Variants in SPMAP2 observed in about 807,000 individuals in gnomAD.
SPMAP2 encodes the protein sperm microtubule associated protein 2.
At chr19:374,255 C>T in the SPMAP2 span, 94 of 1,605,660 alleles carry the variant, frequency 5.9e-5, no homozygotes, top group Middle Eastern at 3.4e-4. Context: ...CAGAGAAAGC[C>T]GCCCACGCTG....
the SPMAP2 span, chr19:372,527 G>T: frequency 3.4e-6 from 4 of 1,190,362 alleles, no homozygotes; most frequent in African/African-American, 1.5e-5. Context: ...GCTGTCTAGG[G>T]CTAGGACCTG....
chr19:374,351 T>C, the SPMAP2 span: 10 of 1,614,110 alleles, frequency 6.2e-6, no homozygotes, highest in Non-Finnish European at 8.5e-6. Context: ...TCCATGAGCC[T>C]CCTCCGCCTC....
chr19:362,397 G>A, the SPMAP2 span: 14 of 1,607,500 alleles, frequency 8.7e-6, no homozygotes, highest in Non-Finnish European at 1.2e-5. Context: ...TCTCGGTCAG[G>A]AACGCACTTG....
chr19:369,491 C>T, the SPMAP2 span, among the ~76,000 whole-genome samples: 1,437 of 151,654 alleles, frequency 9.5e-3, 20 homozygotes, highest in African/African-American at 0.032. Flanking sequence ...GGAAGGGGAT[C>T]GCCTCAGTTC....
At chr19:375,480 C>T in the SPMAP2 span, among the ~76,000 whole-genome samples, 52 of 152,244 alleles carry the variant, frequency 3.4e-4, no homozygotes, top group African/African-American at 4.8e-4. Flanking sequence ...GGGTGCTGGC[C>T]GCCAACCGAC....
the SPMAP2 span, chr19:373,920 G>GGAGACAGCCCTGGAATTACCAGCA: frequency 2.0e-5 from 32 of 1,611,006 alleles, no homozygotes; most frequent in African/African-American, 4.0e-4. Context: ...GGCACACGGC[G>GGAGACAGCCCTGGAATTACCAGCA]GAGACAGCCC....
chr19:373,586 G>A, the SPMAP2 span: 38 of 1,568,652 alleles, frequency 2.4e-5, no homozygotes, highest in East Asian at 4.6e-5. Flanking sequence ...GGCCCTGCCC[G>A]GAAACAAGCC....
At chr19:364,637 T>C in the SPMAP2 span, among the ~76,000 whole-genome samples, 2 of 152,126 alleles carry the variant, frequency 1.3e-5, no homozygotes, top group African/African-American at 4.8e-5. Flanking sequence ...CCTCTCCACC[T>C]GCTCATGTCA....
chr19:365,256 G>A, the SPMAP2 span, among the ~76,000 whole-genome samples: 10 of 152,200 alleles, frequency 6.6e-5, no homozygotes, highest in Non-Finnish European at 1.0e-4. Flanking sequence ...TGCACCTTCC[G>A]GGTGGATGCG....
the SPMAP2 span, among the ~76,000 whole-genome samples, chr19:367,725 C>T: frequency 2.6e-5 from 4 of 152,066 alleles, no homozygotes; most frequent in Non-Finnish European, 1.5e-5. Flanking sequence ...TGCGCTTGAC[C>T]CGAGGAAGTG....
At chr19:362,771 A>G in the SPMAP2 span, among the ~76,000 whole-genome samples, 1 of 138,662 alleles carries the variant, frequency 7.2e-6, no homozygotes, top group Non-Finnish European at 1.5e-5. Context: ...ATCTTAAAAA[A>G]AAAAAAAAAA....
chr19:367,376 T>G, the SPMAP2 span: 1 of 752,904 alleles, frequency 1.3e-6, no homozygotes, highest in Non-Finnish European at 2.0e-6. Context: ...GATTAGTAAC[T>G]ATCACGCATA....
chr19:371,862 T>C, the SPMAP2 span, among the ~76,000 whole-genome samples: 1 of 152,326 alleles, frequency 6.6e-6, no homozygotes, highest in East Asian at 1.9e-4. Context: ...AGGCAAGGTC[T>C]CCACATTGAA....
chr19:369,427 C>T, the SPMAP2 span, among the ~76,000 whole-genome samples: 3 of 150,630 alleles, frequency 2.0e-5, no homozygotes, highest in African/African-American at 7.3e-5. Context: ...ATGGAGGCCA[C>T]GACGGGGCAC....
chr19:364,336 C>CAAAAAAAAAAAA, the SPMAP2 span, among the ~76,000 whole-genome samples: 5 of 74,128 alleles, frequency 6.7e-5, no homozygotes, highest in Non-Finnish European at 9.7e-5. Context: ...AGCTCTGTCT[C>CAAAAAAAAAAAA]AAAAAAAAAA....
chr19:365,747 C>T, the SPMAP2 span, among the ~76,000 whole-genome samples: 1 of 147,472 alleles, frequency 6.8e-6, no homozygotes, highest in Non-Finnish European at 1.5e-5. Context: ...TACAGCCACA[C>T]TCTTACCCCC....
At chr19:372,087 C>G in the SPMAP2 span, among the ~76,000 whole-genome samples, 5 of 152,182 alleles carry the variant, frequency 3.3e-5, no homozygotes, top group Admixed American at 3.3e-4. Context: ...TGTGCGACAC[C>G]CACATCAACG....
chr19:371,237 G>A, the SPMAP2 span: 5 of 1,500,368 alleles, frequency 3.3e-6, no homozygotes, highest in East Asian at 2.6e-5. Flanking sequence ...AAGTTATCAC[G>A]AATCTTCGGG....
chr19:373,164 T>C, the SPMAP2 span, among the ~76,000 whole-genome samples: 1 of 152,180 alleles, frequency 6.6e-6, no homozygotes, highest in South Asian at 2.1e-4. Flanking sequence ...TTTGAAGGTA[T>C]CTATGATACC....
Sources: allele counts gnomAD v4.1 joint callset (sites outside exome capture counted in the v4.1 genomes callset), GRCh38; gene constraint gnomAD v4.1.1; transcripts MANE v1.5; gene names NCBI Gene and HGNC (gene_info 2026-07-23, HGNC 2026-07-21).